Variants in NEGR1 observed in about 807,000 individuals in gnomAD.
NEGR1 encodes the protein IgLON family member 4.
In NEGR1, 10 loss-of-function variants were observed where a neutral mutation model predicts 40.9. The ratio of observed to expected loss-of-function variants is 0.24; its 90% CI spans 0.15 to 0.42. The LOEUF (loss-of-function observed/expected upper bound fraction) is 0.42, where lower values mean the gene tolerates loss of function less well. NEGR1 is among the 10% of genes least tolerant of loss of function. The pLI is 1.00. For synonymous variants in NEGR1, 185 were observed against 166.8 expected, an observed-to-expected ratio of 1.11 and a Z score of -0.84; for missense variants, 352 against 438.9, an observed-to-expected ratio of 0.80 and a Z score of 1.77.
intron 4 of NEGR1, among the ~76,000 whole-genome samples, chr1:71,650,941 T>A (rs1651693830): frequency 6.6e-6 from 1 of 152,148 alleles, no homozygotes; most frequent in African/African-American, 2.4e-5. Flanking sequence ...GATACTAACA[T>A]TGTTTACCTA....
intron 1 of NEGR1, among the ~76,000 whole-genome samples, chr1:71,979,518 G>A (rs374003795): frequency 6.6e-6 from 1 of 152,074 alleles, no homozygotes; most frequent in Non-Finnish European, 1.5e-5. Context: ...TTTCTAATGC[G>A]GGTTAAAGTC....
intron 1 of NEGR1, among the ~76,000 whole-genome samples, chr1:72,147,933 G>A (rs1185842822): frequency 1.3e-5 from 2 of 151,248 alleles, no homozygotes; most frequent in Non-Finnish European, 3.0e-5. Flanking sequence ...GTGGCTCCAC[G>A]CCTGTGGCTT....
intron 2 of NEGR1, among the ~76,000 whole-genome samples, chr1:71,841,270 A>G (rs1288187059): frequency 2.0e-5 from 3 of 152,210 alleles, no homozygotes; most frequent in African/African-American, 4.8e-5. Flanking sequence ...ATAAATTTAC[A>G]TATAAATCTA....
chr1:71,586,339 C>T (rs746031298), intron 6 of NEGR1, among the ~76,000 whole-genome samples: 9 of 152,268 alleles, frequency 5.9e-5, no homozygotes, highest in Admixed American at 2.6e-4. Flanking sequence ...CCTTGAGAGG[C>T]TTCAAGGCCG....
intron 1 of NEGR1, among the ~76,000 whole-genome samples, chr1:72,112,690 G>GAA (rs35420279): frequency 1.7e-4 from 25 of 150,024 alleles, no homozygotes; most frequent in Admixed American, 5.3e-4. Context: ...GAGGGGGAAA[G>GAA]AAAAAAAAAT....
chr1:71,961,914 T>A (rs1646168416), intron 1 of NEGR1, among the ~76,000 whole-genome samples: 1 of 152,122 alleles, frequency 6.6e-6, no homozygotes, highest in Non-Finnish European at 1.5e-5. Flanking sequence ...TCCATTTGTT[T>A]TCCCTTTTAA....
intron 1 of NEGR1, among the ~76,000 whole-genome samples, chr1:72,210,611 A>T (rs923823195): frequency 6.6e-6 from 1 of 151,820 alleles, no homozygotes; most frequent in Non-Finnish European, 1.5e-5. Flanking sequence ...TGAATTTCTG[A>T]CATCTTGATT....
intron 6 of NEGR1, among the ~76,000 whole-genome samples, chr1:71,548,809 C>G (rs1295353957): frequency 6.6e-6 from 1 of 151,660 alleles, no homozygotes; most frequent in Non-Finnish European, 1.5e-5. Flanking sequence ...TATGTTTGAG[C>G]CATCTGGTGC....
intron 2 of NEGR1, among the ~76,000 whole-genome samples, chr1:71,872,902 T>C (rs1356524948): frequency 6.6e-6 from 1 of 152,100 alleles, no homozygotes; most frequent in African/African-American, 2.4e-5. Flanking sequence ...TCTCTCTTTT[T>C]ACTTCATTTC....
chr1:71,779,159 C>A (rs1656613584), intron 2 of NEGR1, among the ~76,000 whole-genome samples: 1 of 152,110 alleles, frequency 6.6e-6, no homozygotes, highest in South Asian at 2.1e-4. Flanking sequence ...TGTAAGAGGG[C>A]CAGTGAAATC....
intron 4 of NEGR1, among the ~76,000 whole-genome samples, chr1:71,656,156 T>C (rs1250569915): frequency 6.6e-6 from 1 of 152,126 alleles, no homozygotes; most frequent in Admixed American, 6.5e-5. Context: ...CACAGCCCAC[T>C]TCCCAATCTG....
intron 6 of NEGR1, among the ~76,000 whole-genome samples, chr1:71,547,130 A>C (rs1266736402): frequency 2.2e-4 from 34 of 151,744 alleles, no homozygotes; most frequent in Admixed American, 2.2e-3. Context: ...TTCTTCCAGA[A>C]AGTTTTGATG....
At chr1:71,701,824 A>T (rs889918298) in intron 3 of NEGR1, among the ~76,000 whole-genome samples, 2 of 152,110 alleles carry the variant, frequency 1.3e-5, no homozygotes, top group African/African-American at 4.8e-5. Context: ...GAAGTTATTA[A>T]TCTCTCTGAA....
chr1:71,821,485 A>G (rs943001021), intron 2 of NEGR1, among the ~76,000 whole-genome samples: 1 of 152,016 alleles, frequency 6.6e-6, no homozygotes, highest in African/African-American at 2.4e-5. Flanking sequence ...TATTCATTTA[A>G]TACTTAGAAA....
intron 2 of NEGR1, among the ~76,000 whole-genome samples, chr1:71,876,556 G>A (rs1660436739): frequency 6.7e-6 from 1 of 149,844 alleles, no homozygotes; most frequent in South Asian, 2.1e-4. Context: ...AGAGAGAGGA[G>A]AAGGAAGGAA....
intron 6 of NEGR1, among the ~76,000 whole-genome samples, chr1:71,579,318 ACC>A (rs1649055871): frequency 6.6e-6 from 1 of 152,082 alleles, no homozygotes; most frequent in South Asian, 2.1e-4. Context: ...GTGTTGCCAA[ACC>A]CCTTTTCAAA....
chr1:71,981,791 GGAAGGGTTA>G (rs1646356507), intron 1 of NEGR1, among the ~76,000 whole-genome samples: 1 of 152,014 alleles, frequency 6.6e-6, no homozygotes, highest in Non-Finnish European at 1.5e-5. Context: ...GGTGAGATTT[GGAAGGGTTA>G]GAAGGGTTAG....
chr1:72,047,610 C>T (rs2821276), intron 1 of NEGR1, among the ~76,000 whole-genome samples: 18,830 of 150,998 alleles, frequency 0.12, 1,398 homozygotes, highest in East Asian at 0.3. Context: ...AAATAGATTT[C>T]AGAGTTTTTT....
chr1:71,939,195 T>A (rs1645937392), intron 1 of NEGR1, among the ~76,000 whole-genome samples: 1 of 152,156 alleles, frequency 6.6e-6, no homozygotes, highest in South Asian at 2.1e-4. Context: ...AAGTTCTACA[T>A]AACTTGTTCC....
Sources: gnomAD v4.1 joint callset for allele counts (sites outside exome capture counted in the v4.1 genomes callset) on GRCh38, gnomAD v4.1.1 for gene constraint, MANE v1.5 for transcripts, NCBI Gene and HGNC (gene_info 2026-07-23, HGNC 2026-07-21) for gene names.